The following CDK17 variants were observed in gnomAD, a reference collection of about 807,000 sequenced individuals.
CDK17 encodes cyclin dependent kinase 17, also known as cyclin-dependent kinase 17.
In CDK17, 24 loss-of-function variants were observed where a neutral mutation model predicts 77.6. The observed-to-expected ratio is 0.31, with a 90% CI of 0.22 to 0.44. The LOEUF (loss-of-function observed/expected upper bound fraction) is 0.44. Among genes scored for constraint, CDK17 ranks in the 20% least tolerant of loss-of-function variants. The pLI, the probability that CDK17 is intolerant of heterozygous loss-of-function variation, is 1.00. For missense variants in CDK17, 429 were observed against 622.5 expected, an observed-to-expected ratio of 0.69 and a Z score of 3.31; for synonymous variants, 203 against 210.4, an observed-to-expected ratio of 0.96 and a Z score of 0.30.
At position 96,334,813 on chromosome 12, in the gene CDK17, T is replaced by C. The variant is rs765277484; in HGVS notation, c.24A>G (p.Leu8=). The change falls in exon 2 of 17, where the codon CTA becomes CTG. Residue 8 remains leucine (L), a synonymous_variant. Transcript: ENST00000261211. The stretch of plus-strand genomic sequence containing the variant: ...TCTGACTTCCTCGGAGTGTGAGGGA[T>C]AGCCTTCTCTTAAATTTTTTCATCC... The part of the protein sequence containing the change: MKKFKRR[L]SLTLRGSQTI... 6.2e-6 allele frequency: 10 copies of C among 1,603,530 alleles called. 1 individual carries two copies. In the South Asian group the frequency reaches 6.6e-5, roughly 11 times the overall value.
At position 96,341,342 on chromosome 12, in the gene CDK17, C is replaced by CAG. The variant is rs1953119790; in HGVS notation, c.-29-6478_-29-6477insCT. Among the ~76,000 whole-genome samples, 5 of 143,988 alleles carry CAG rather than the reference C, an allele frequency of 3.5e-5. No individual in the cohort carries two copies. The East Asian group carries it at 9.7e-4, about 28-fold the overall frequency. 94.5% of individuals were successfully genotyped at this position (143,988 alleles called of 152,430 possible). A position where few individuals can be genotyped will look rare whatever the true frequency, so the allele number is the denominator to read the frequency against. On this transcript the variant is annotated intron_variant, in intron 1 of 16. Transcript: ENST00000261211. Reference sequence around the variant, plus strand: ...ATACACACACACACACACACACACACACGTCTCATATATGTACGTGTGTGT... The same window carrying CAG: ...ATACACACACACACACACACACACACAGACGTCTCATATATGTACGTGTGTGT...
intron 13 of CDK17, among the ~76,000 whole-genome samples, chr12:96,285,156 G>C (rs1381634697): frequency 6.6e-6 from 1 of 152,056 alleles, no homozygotes; most frequent in Admixed American, 6.6e-5. Context: ...GACAAAAATA[G>C]AATTTATGCT....
chr12:96,357,773 T>C (rs1953422358), intron 1 of CDK17, among the ~76,000 whole-genome samples: 2 of 152,196 alleles, frequency 1.3e-5, no homozygotes, highest in Non-Finnish European at 1.5e-5. Context: ...ATTAGGCCAG[T>C]AAATTCAAAT....
intron 5 of CDK17, among the ~76,000 whole-genome samples, chr12:96,308,597 C>T (rs371608493): frequency 1.3e-5 from 2 of 151,634 alleles, no homozygotes; most frequent in African/African-American, 4.8e-5. Flanking sequence ...GACATGGTGG[C>T]GCATACCTAT....
At chr12:96,305,016 G>T (rs1952559696) in intron 5 of CDK17, among the ~76,000 whole-genome samples, 1 of 152,108 alleles carries the variant, frequency 6.6e-6, no homozygotes, top group Non-Finnish European at 1.5e-5. Context: ...TTTATATATG[G>T]ATGACCTCCA....
At chr12:96,364,596 C>T (rs1953553390) in intron 1 of CDK17, among the ~76,000 whole-genome samples, 1 of 152,108 alleles carries the variant, frequency 6.6e-6, no homozygotes, top group Non-Finnish European at 1.5e-5. Context: ...TTTGGCTGCT[C>T]TGTTCTTTTC....
chr12:96,301,550 T>C (rs10860013), intron 5 of CDK17, among the ~76,000 whole-genome samples: 40,030 of 151,982 alleles, frequency 0.26, 5,709 homozygotes, highest in East Asian at 0.58. Flanking sequence ...AGTTGCTTTC[T>C]AGTACCCCTT....
intron 1 of CDK17, among the ~76,000 whole-genome samples, chr12:96,350,410 T>C (rs1953292625): frequency 1.3e-5 from 2 of 150,508 alleles, no homozygotes; most frequent in East Asian, 3.9e-4. Flanking sequence ...CCAAGGAACC[T>C]TGAATAGTTT....
At chr12:96,315,643 A>T (rs573606476) in intron 3 of CDK17, among the ~76,000 whole-genome samples, 142 of 152,286 alleles carry the variant, frequency 9.3e-4, no homozygotes, top group Non-Finnish European at 1.8e-3. Context: ...GAAAATGTTG[A>T]CTAAAATACA....
chr12:96,332,063 C>T (rs1241369215), intron 2 of CDK17, among the ~76,000 whole-genome samples: 1 of 152,172 alleles, frequency 6.6e-6, no homozygotes, highest in East Asian at 1.9e-4. Context: ...TAGCACAATG[C>T]ATTTCCTTTT....
chr12:96,391,483 G>A (rs1954067168), intron 1 of CDK17, among the ~76,000 whole-genome samples: 1 of 135,888 alleles, frequency 7.4e-6, no homozygotes, highest in Admixed American at 8.0e-5. Context: ...TAGAGATGGG[G>A]TTTCGCCATG....
intron 1 of CDK17, among the ~76,000 whole-genome samples, chr12:96,361,069 A>C (rs1438146348): frequency 2.0e-5 from 3 of 152,202 alleles, no homozygotes. Flanking sequence ...TTGAAGGAGA[A>C]ACCCTATGAA....
intron 10 of CDK17, among the ~76,000 whole-genome samples, chr12:96,291,044 G>C (rs1952317059): frequency 6.6e-6 from 1 of 150,956 alleles, no homozygotes; most frequent in African/African-American, 2.4e-5. Flanking sequence ...ATTTTCAGAG[G>C]GACAGAGAAC....
At chr12:96,286,002 A>T (rs1952240743) in intron 13 of CDK17, 41 bp downstream of exon 13, 1 of 958,554 alleles carries the variant, frequency 1.0e-6, no homozygotes, top group Non-Finnish European at 1.7e-6. Context: ...ATTGAAAAGA[A>T]TCATGTGTTT....
intron 1 of CDK17, among the ~76,000 whole-genome samples, chr12:96,379,491 T>C (rs976680403): frequency 6.6e-6 from 1 of 152,110 alleles, no homozygotes. Flanking sequence ...AGTGCCATCA[T>C]AGCTCACTGC....
rs138811905 is a variant in CDK17 at position 96,355,616 on chromosome 12, G to A, written c.-29-20751C>T. Among the ~76,000 whole-genome samples, 680 of 152,004 alleles carry A rather than the reference G, an allele frequency of 4.5e-3. 13 individuals are homozygous for A. Among genetic ancestry groups the A allele is most frequent in the African/African-American group, 0.016 (646 of 41,472 alleles). ...AGAGACAGGGTTTCACCATGTTGGC[G>A]AGGATGGTCTCCGCCTCTTGACCTT... On this transcript the variant is annotated intron_variant, in intron 1 of 16. Coordinates refer to ENST00000261211, the MANE Select transcript of CDK17 (RefSeq NM_002595.5).
intron 1 of CDK17, among the ~76,000 whole-genome samples, chr12:96,389,094 C>G (rs1954022469): frequency 6.6e-6 from 1 of 151,392 alleles, no homozygotes; most frequent in African/African-American, 2.4e-5. Flanking sequence ...TCCTGGGTAG[C>G]TGGAACTACA....
At chr12:96,349,584 T>TA (rs1274925462) in intron 1 of CDK17, among the ~76,000 whole-genome samples, 1 of 139,336 alleles carries the variant, frequency 7.2e-6, no homozygotes, top group African/African-American at 2.6e-5. Context: ...CCTTTCATGA[T>TA]AAAATCACTC....
At chr12:96,380,557 G>A (rs946940286) in intron 1 of CDK17, among the ~76,000 whole-genome samples, 3 of 152,108 alleles carry the variant, frequency 2.0e-5, no homozygotes, top group African/African-American at 7.2e-5. Flanking sequence ...CTAAAGTGCT[G>A]GGATTACAGG....
Sources: gnomAD v4.1 joint callset for allele counts (sites outside exome capture counted in the v4.1 genomes callset) on GRCh38, gnomAD v4.1.1 for gene constraint, MANE v1.5 for transcripts, NCBI Gene and HGNC (gene_info 2026-07-23, HGNC 2026-07-21) for gene names.